Variants in TENM1 observed in about 807,000 individuals in gnomAD.
The protein encoded by TENM1 is teneurin-1.
A neutral mutation model predicts 174.8 loss-of-function variants in TENM1; 35 were observed. The ratio of observed to expected loss-of-function variants is 0.20; its 90% CI spans 0.15 to 0.27. TENM1 has a LOEUF of 0.27. Among genes scored for constraint, TENM1 ranks in the 10% least tolerant of loss-of-function variants. The pLI, the probability that TENM1 is intolerant of heterozygous loss-of-function variation, is 1.00. For missense variants in TENM1, 1,633 were observed against 2,130.1 expected (o/e 0.77, Z 4.59); for synonymous variants, 781 against 798.7 (o/e 0.98, Z 0.37).
At chrX:124,920,106 CA>C (rs998543534) in intron 1 of TENM1, among the ~76,000 whole-genome samples, 7 of 110,137 alleles carry the variant, frequency 6.4e-5, no homozygotes, top group Non-Finnish European at 1.1e-4. Flanking sequence ...TCTGAATCAA[CA>C]AAAAAAATAC....
chrX:124,497,036 G>A (rs1181329046), exon 20 of TENM1: 10 of 1,207,713 alleles, frequency 8.3e-6, no homozygotes, highest in Middle Eastern at 2.3e-4. Context: ...AAATACTAAC[G>A]GAGTTTCCCG....
intron 3 of TENM1, among the ~76,000 whole-genome samples, chrX:124,875,873 CAAAAAAAAA>C (rs60294401): frequency 3.5e-5 from 2 of 56,807 alleles, no homozygotes; most frequent in Admixed American, 2.3e-4. Flanking sequence ...GAGACTGTCT[CAAAAAAAAA>C]AAAAAAAAAA....
chrX:124,758,670 T>G (rs1431403660), intron 3 of TENM1, among the ~76,000 whole-genome samples: 1 of 111,405 alleles, frequency 9.0e-6, no homozygotes, highest in African/African-American at 3.3e-5. Context: ...AAAGAAGGTG[T>G]GGCATATACA....
At chrX:124,713,393 C>T (rs780926407) in intron 4 of TENM1, among the ~76,000 whole-genome samples, 31 of 111,096 alleles carry the variant, frequency 2.8e-4, no homozygotes, top group African/African-American at 1.0e-3. Context: ...CTCAGCCTCC[C>T]CAGTAGCTGG....
intron 23 of TENM1, among the ~76,000 whole-genome samples, chrX:124,440,923 CCTAA>C (rs1329644924): frequency 8.9e-6 from 1 of 112,039 alleles, no homozygotes; most frequent in East Asian, 2.8e-4. Flanking sequence ...CACATGCCTA[CCTAA>C]CTGACATGGC....
At chrX:124,828,893 T>G (rs943709837) in intron 3 of TENM1, among the ~76,000 whole-genome samples, 6 of 112,202 alleles carry the variant, frequency 5.3e-5, no homozygotes, top group Non-Finnish European at 7.5e-5. Context: ...ACCACTATAT[T>G]TATATGTTCT....
At chrX:125,009,713 C>T in the TENM1 span, among the ~76,000 whole-genome samples, 1 of 112,077 alleles carries the variant, frequency 8.9e-6, no homozygotes, top group African/African-American at 3.3e-5. Flanking sequence ...CCCTGGGTTG[C>T]AAGGCTGGTT....
At chrX:125,086,134 T>G in the TENM1 span, among the ~76,000 whole-genome samples, 1 of 110,974 alleles carries the variant, frequency 9.0e-6, no homozygotes, top group South Asian at 3.7e-4. Flanking sequence ...TTATGATGTT[T>G]TATAAAAATA....
At chrX:124,448,541 T>C (rs1409278687) in intron 23 of TENM1, among the ~76,000 whole-genome samples, 1 of 96,769 alleles carries the variant, frequency 1.0e-5, no homozygotes, top group Non-Finnish European at 2.1e-5. Flanking sequence ...TATTATCTCT[T>C]CATTGTTCAG....
chrX:124,797,760 C>T (rs2055340875), intron 3 of TENM1, among the ~76,000 whole-genome samples: 1 of 108,831 alleles, frequency 9.2e-6, no homozygotes, highest in African/African-American at 3.4e-5. Flanking sequence ...ATATGTGTGC[C>T]TTGGTGGTTT....
chrX:124,453,817 G>A (rs1226885406), intron 22 of TENM1, among the ~76,000 whole-genome samples: 2 of 111,231 alleles, frequency 1.8e-5, no homozygotes, highest in Non-Finnish European at 3.8e-5. Flanking sequence ...GGGAAAAGAC[G>A]GGGAGATCAT....
Position 124,414,346 on chromosome X carries a change from G to A in TENM1, c.4982+5965C>T, listed in dbSNP as rs2060570093. On this transcript the variant is annotated intron_variant, in intron 25 of 31. Transcript: ENST00000422452. ...ACCTTTTCAGTTTAGTAGAGCAGAA[G>A]CCTTTGCCAGGGAAACAAGCAAGGG... 1.8e-5 allele frequency among the ~76,000 whole-genome samples: 2 copies of A among 111,556 alleles called. 1 individual carries two copies. Among genetic ancestry groups the A allele is most frequent in the Admixed American group, 1.9e-4 (2 of 10,525 alleles).
At chrX:124,728,650 C>T (rs2053496324) in intron 4 of TENM1, among the ~76,000 whole-genome samples, 1 of 111,334 alleles carries the variant, frequency 9.0e-6, no homozygotes, top group Admixed American at 9.6e-5. Flanking sequence ...GATCTACCCC[C>T]CTCCAAGGGT....
At chrX:125,178,167 A>G in the TENM1 span, among the ~76,000 whole-genome samples, 1 of 111,636 alleles carries the variant, frequency 9.0e-6, no homozygotes, top group Non-Finnish European at 1.9e-5. Flanking sequence ...AAGTTTTGGC[A>G]GTGAATGACT....
At chrX:124,829,065 T>C (rs1468773158) in intron 3 of TENM1, among the ~76,000 whole-genome samples, 2 of 111,721 alleles carry the variant, frequency 1.8e-5, no homozygotes, top group Non-Finnish European at 3.8e-5. Context: ...ACAAATCCTC[T>C]AAAAAATGGC....
chrX:125,124,513 C>T, the TENM1 span, among the ~76,000 whole-genome samples: 4 of 111,390 alleles, frequency 3.6e-5, no homozygotes, highest in Non-Finnish European at 5.7e-5. Context: ...GGTGTTGTGG[C>T]GACCAAATGC....
At chrX:124,637,652 A>G (rs2050912270) in intron 11 of TENM1, among the ~76,000 whole-genome samples, 1 of 111,598 alleles carries the variant, frequency 9.0e-6, no homozygotes, top group Admixed American at 9.5e-5. Context: ...CATGGCATAC[A>G]GAGACCTTCA....
chrX:124,910,697 C>T (rs1012092115), intron 1 of TENM1, among the ~76,000 whole-genome samples: 2 of 111,528 alleles, frequency 1.8e-5, no homozygotes, highest in East Asian at 2.8e-4. Context: ...CACTGTCTGT[C>T]ACCCTCTCCC....
chrX:124,838,776 T>C (rs1038918792), intron 3 of TENM1, among the ~76,000 whole-genome samples: 2 of 111,245 alleles, frequency 1.8e-5, no homozygotes, highest in African/African-American at 6.5e-5. Flanking sequence ...TCCCTCTCTC[T>C]CTATATATAC....
Sources: allele counts gnomAD v4.1 joint callset (sites outside exome capture counted in the v4.1 genomes callset), GRCh38; gene constraint gnomAD v4.1.1; transcripts MANE v1.5; gene names NCBI Gene and HGNC (gene_info 2026-07-23, HGNC 2026-07-21).